ZNF425: variants seen among roughly 807,000 people sequenced by gnomAD.
ZNF425 encodes zinc finger protein 425.
Under a neutral mutation model 17.0 loss-of-function variants are expected in ZNF425, and 21 were observed. That is an observed-to-expected ratio of 1.23 (90% CI 0.88 to 1.78). The LOEUF (loss-of-function observed/expected upper bound fraction) is 1.78, where lower values mean the gene tolerates loss of function less well. ZNF425 is among the 40% of genes most tolerant of loss of function. The probability of loss-of-function intolerance (pLI) is 0.00; values close to 1 mark genes in which losing one functional copy is unlikely to be tolerated. For missense variants in ZNF425, 868 were observed against 967.3 expected, an observed-to-expected ratio of 0.90 and a Z score of 1.36; for synonymous variants, 433 against 384.1, an observed-to-expected ratio of 1.13 and a Z score of -1.49.
At chr7:149,115,684 C>T (rs1413359188) in intron 2 of ZNF425, among the ~76,000 whole-genome samples, 9 of 142,546 alleles carry the variant, frequency 6.3e-5, no homozygotes, top group South Asian at 2.2e-4. Flanking sequence ...AGCGAGACTC[C>T]GTCAAAAAAA....
At position 149,104,998 on chromosome 7, in the gene ZNF425, C is replaced by T. The variant is rs763554699; in HGVS notation, c.873G>A (p.Lys291=). ...KTFRYRANLK[K]HLCLHRGERP... ...GCTCCCCGCGGTGTAGACACAGGTG[C>T]TTCTTCAGGTTGGCCCTGTACCGGA... Residue 291 remains lysine (K), a synonymous_variant, in exon 4 of 4, where the codon AAG becomes AAA. Coordinates refer to ENST00000378061, the MANE Select transcript of ZNF425 (RefSeq NM_001001661.3). This position sits in a 1 kb window ranked among gnomAD's most constrained non-coding sequence, Gnocchi z 4.3. 5 of 1,614,196 alleles carry T rather than the reference C, an allele frequency of 3.1e-6. No homozygotes were observed. The highest frequency in any genetic ancestry group is 4.2e-6 in the Non-Finnish European group (5 of 1,180,030).
chr7:149,103,597 G>A lies in ZNF425; in HGVS notation c.*15C>T. 1 of 1,568,592 alleles carries A rather than the reference G, an allele frequency of 6.4e-7. No individual in the cohort carries two copies. Among genetic ancestry groups the A allele is most frequent in the Non-Finnish European group, 8.6e-7 (1 of 1,161,282 alleles). On this transcript the variant is annotated 3_prime_UTR_variant, in exon 4 of 4. Coordinates refer to ENST00000378061, the MANE Select transcript of ZNF425 (RefSeq NM_001001661.3). Reference sequence around the variant, plus strand: ...CCTCCTGAAAGCCGACTGCGTGACTGCTGCATGGCCTGACCTAGAGGCTGG... The same window carrying A: ...CCTCCTGAAAGCCGACTGCGTGACTACTGCATGGCCTGACCTAGAGGCTGG...
intron 2 of ZNF425, among the ~76,000 whole-genome samples, 160 bp downstream of exon 2, chr7:149,118,062 G>T (rs1281717020): frequency 3.3e-5 from 5 of 152,056 alleles, no homozygotes; most frequent in African/African-American, 1.2e-4. Context: ...GGATAAAAAG[G>T]AATTTAATAT....
chr7:149,111,590 T>TAAAAAAAAAAAAAAAAAAAAAA (rs60783786), intron 3 of ZNF425, among the ~76,000 whole-genome samples: 4 of 54,382 alleles, frequency 7.4e-5, no homozygotes, highest in Non-Finnish European at 9.9e-5. Flanking sequence ...AGACTCTGTC[T>TAAAAAAAAAAAAAAAAAAAAAA]AAAAAAAAAA....
intron 2 of ZNF425, among the ~76,000 whole-genome samples, chr7:149,114,414 T>G (rs1826225334): frequency 7.0e-6 from 1 of 141,976 alleles, no homozygotes; most frequent in Admixed American, 7.4e-5. Context: ...TCTCACTCTG[T>G]CACCAGGCTG....
chr7:149,122,061 A>G (rs965136837), intron 1 of ZNF425, among the ~76,000 whole-genome samples: 1 of 146,302 alleles, frequency 6.8e-6, no homozygotes, highest in East Asian at 2.0e-4. Context: ...GACTACAGGC[A>G]CCCGTCACCA....
At chr7:149,117,955 T>C (rs1826293629) in intron 2 of ZNF425, among the ~76,000 whole-genome samples, 1 of 152,090 alleles carries the variant, frequency 6.6e-6, no homozygotes, top group South Asian at 2.1e-4. Flanking sequence ...CCTGGCCAGA[T>C]TACTTAGTAA....
chr7:149,115,196 C>T (rs566754642), intron 2 of ZNF425, among the ~76,000 whole-genome samples: 8 of 149,376 alleles, frequency 5.4e-5, no homozygotes, highest in East Asian at 4.0e-4. Flanking sequence ...GTGATCTGTC[C>T]GCCTCGACCT....
In ZNF425 at chr7:149,105,123, C is replaced by A. The variant is rs757344825; in HGVS notation, c.748G>T (p.Glu250Ter). The A allele has an allele frequency of 2.5e-6, 4 of 1,614,262 alleles. No individual in the cohort carries two copies. In the South Asian group the frequency reaches 3.3e-5, roughly 13 times the overall value. Residue 250 changes from glutamate (E) to a stop codon, truncating the protein, a stop_gained, in exon 4 of 4, where the codon GAG becomes TAG. Transcript: ENST00000378061. LOFTEE classifies it low-confidence loss of function (END_TRUNC). Reference protein sequence around the residue: ...LCQKKRFQCSECEKSYFLKGS... With the variant: ...LCQKKRFQCS ...TTCAGGAAGTAGCTCTTCTCACACT[C>A]ACTGCACTGGAACCGCTTCTTCTGA...
chr7:149,125,331 ACT>A, intron 1 of ZNF425, among the ~76,000 whole-genome samples: 1 of 152,254 alleles, frequency 6.6e-6, no homozygotes, highest in East Asian at 1.9e-4. Flanking sequence ...CGCCTTTCAA[ACT>A]CTAAAACCGG....
rs767030287 is a variant in ZNF425 at position 149,105,070 on chromosome 7, G to A, written c.801C>T (p.Val267=). ...LKGSLVTHQV[V]HTGQRPYPCP... ...ATGGGTAGGGCCGCTGGCCGGTGTG[G>A]ACAACCTGATGAGTGACGAGGCTGC... Residue 267 remains valine (V), a synonymous_variant, in exon 4 of 4, where the codon GTC becomes GTT. Transcript: ENST00000378061. 6 of 1,614,128 alleles carry A rather than the reference G, an allele frequency of 3.7e-6. No homozygotes were observed. The highest frequency in any genetic ancestry group is 3.3e-4 in the Middle Eastern group (2 of 6,084).
Position 149,126,204 on chromosome 7 carries a change from G to T in ZNF425, c.10C>A (p.Pro4Thr). 6.2e-7 allele frequency: 1 copy of T among 1,612,454 alleles called. No homozygotes were observed. Among genetic ancestry groups the T allele is most frequent in the Admixed American group, 1.7e-5 (1 of 59,920 alleles). ...CCACCGGCCCTTCTTACCGAAGCCG[G>T]CTCGGCCATGGCGGTTCCGCACGAA... Reference protein sequence around the residue: MAEPASVTVTFDDV... With the variant: MAETASVTVTFDDV... The change falls in exon 1 of 4, where the codon CCG (proline) becomes ACG (threonine). Residue 4 changes from proline (P) to threonine (T), a missense_variant. By Grantham distance (38) the Pro-to-Thr change is conservative. This residue lies in a region of ZNF425 where 179 missense variants were observed against 216.3 expected (regional missense o/e 0.83). Coordinates refer to ENST00000378061, the MANE Select transcript of ZNF425 (RefSeq NM_001001661.3).
chr7:149,107,492 C>T (rs1049409124), intron 3 of ZNF425, among the ~76,000 whole-genome samples: 13 of 152,000 alleles, frequency 8.6e-5, no homozygotes, highest in Admixed American at 7.9e-4. Flanking sequence ...CGCCCACCAC[C>T]ACGCCCGGCT....
At chr7:149,123,823 C>A (rs536039611) in intron 1 of ZNF425, among the ~76,000 whole-genome samples, 1 of 149,904 alleles carries the variant, frequency 6.7e-6, no homozygotes, top group Non-Finnish European at 1.5e-5. Flanking sequence ...TGAGCCACTG[C>A]GCCCGGACTT....
At chr7:149,112,593 T>C (rs1826191652) in intron 2 of ZNF425, among the ~76,000 whole-genome samples, 1 of 152,176 alleles carries the variant, frequency 6.6e-6, no homozygotes, top group Non-Finnish European at 1.5e-5. Flanking sequence ...AGATCGCGCC[T>C]CTGCACCCCA....
At chr7:149,125,761 C>A (rs1440041723) in intron 1 of ZNF425, 4 of 256,742 alleles carry the variant, frequency 1.6e-5, no homozygotes, top group Non-Finnish European at 3.0e-5. Context: ...CACTAACGAT[C>A]AGCACTGGGG....
At chr7:149,106,080 G>A (rs1241128592) in intron 3 of ZNF425, among the ~76,000 whole-genome samples, 1 of 145,372 alleles carries the variant, frequency 6.9e-6, no homozygotes, top group African/African-American at 2.5e-5. Flanking sequence ...TCAGCCTCCT[G>A]AGTAGCTGGG....
chr7:149,125,183 G>A (rs1193493377), intron 1 of ZNF425, among the ~76,000 whole-genome samples: 1 of 152,138 alleles, frequency 6.6e-6, no homozygotes, highest in African/African-American at 2.4e-5. Flanking sequence ...AAGCAAAAGG[G>A]AAGAATCAAA....
rs151099498 is a variant in ZNF425, at chr7:149,102,886, A to G, written c.*726T>C. 46 of 152,324 alleles carry G rather than the reference A, an allele frequency of 3.0e-4. No homozygotes were observed. The highest frequency in any genetic ancestry group is 9.2e-4 in the Admixed American group (14 of 15,288). The allele number at this position is 152,324 out of a possible 1,614,324, so 9.4% of individuals were successfully genotyped here. The stretch of plus-strand genomic sequence containing the variant: ...ATCTGAGAGAAAATGAAAATCCACT[A>G]TGAGAGAAAACTGAAGACTTTAATA... On this transcript the variant is annotated 3_prime_UTR_variant, in exon 4 of 4. Transcript: ENST00000378061.
Sources: gnomAD v4.1 joint callset for allele counts (sites outside exome capture counted in the v4.1 genomes callset) on GRCh38, gnomAD v4.1.1 for gene constraint, gnomAD v4.1.1 regional missense constraint, Gnocchi (gnomAD v3.1) non-coding constraint, MANE v1.5 for transcripts, NCBI Gene and HGNC (gene_info 2026-07-23, HGNC 2026-07-21) for gene names.